The following ADGRG6 variants were observed in gnomAD, a reference collection of about 807,000 sequenced individuals.
The protein encoded by ADGRG6 is G-protein coupled receptor 126.
A neutral mutation model predicts 142.4 loss-of-function variants in ADGRG6; 84 were observed. That is an observed-to-expected ratio of 0.59 (90% CI 0.49 to 0.71). The LOEUF is 0.71. ADGRG6 is among the 30% of genes least tolerant of loss of function. The pLI is 0.00. For missense variants in ADGRG6, 1,367 were observed against 1,466.6 expected, an observed-to-expected ratio of 0.93 and a Z score of 1.11; for synonymous variants, 521 against 520.5, an observed-to-expected ratio of 1.00 and a Z score of -0.01.
rs1466851235 is a variant in ADGRG6, at chr6:142,411,393, A to G, written c.2523A>G (p.Thr841=). The stretch of plus-strand genomic sequence containing the variant: ...CAGTCTGCCTGTGTAACCACTTCAC[A>G]CACTTTGGAGTTCTGATGGTAAGGG... ...SETVCLCNHF[T]HFGVLMDLPR... The change falls in exon 18 of 25, where the codon ACA becomes ACG. Residue 841 remains threonine, a synonymous_variant. Transcript: ENST00000367609. 1.3e-6 allele frequency: 2 copies of G among 1,585,044 alleles called. No homozygotes were observed. Among genetic ancestry groups the G allele is most frequent in the Non-Finnish European group, 1.7e-6 (2 of 1,153,574 alleles).
At position 142,438,121 on chromosome 6, in the gene ADGRG6, C is replaced by T. The variant is rs1054369385; in HGVS notation, c.3422-91C>T. Reference sequence around the variant, plus strand: ...TGCCAGCATATCAGAAAATCAGATGCTCCAGATAAATAATGCAGTGATGAT... The same window carrying T: ...TGCCAGCATATCAGAAAATCAGATGTTCCAGATAAATAATGCAGTGATGAT... On this transcript the variant is annotated intron_variant, in intron 23 of 24. Coordinates refer to ENST00000367609, the MANE Select transcript of ADGRG6 (RefSeq NM_198569.3). 9.7e-6 allele frequency: 7 copies of T among 720,316 alleles called. No homozygotes were observed. The African/African-American group carries it at 1.3e-4, about 13-fold the overall frequency. 44.6% of individuals were successfully genotyped at this position (720,316 alleles called of 1,614,324 possible).
At chr6:142,411,598 G>A (rs1490786481) in intron 18 of ADGRG6, among the ~76,000 whole-genome samples, 187 bp downstream of exon 18, 2 of 152,152 alleles carry the variant, frequency 1.3e-5, no homozygotes, top group South Asian at 2.1e-4. Context: ...ATATGTGAAA[G>A]TAATTATAGA....
chr6:142,383,621 C>A, intron 5 of ADGRG6, 139 bp from the exon 6 acceptor site: 1 of 594,058 alleles, frequency 1.7e-6, no homozygotes. Context: ...TTATACATTA[C>A]AACCTTGGAG....
intron 2 of ADGRG6, among the ~76,000 whole-genome samples, chr6:142,316,139 A>G (rs1223439186): frequency 6.6e-6 from 1 of 152,124 alleles, no homozygotes; most frequent in Admixed American, 6.6e-5. Context: ...TCATTCCTAA[A>G]CTAACTTCAT....
intron 2 of ADGRG6, among the ~76,000 whole-genome samples, chr6:142,319,391 T>C (rs1286615045): frequency 1.3e-5 from 2 of 152,134 alleles, no homozygotes; most frequent in Admixed American, 6.6e-5. Context: ...ATCTCCTTTT[T>C]TATAGGAAGT....
At chr6:142,356,411 A>G (rs1379070822) in intron 2 of ADGRG6, among the ~76,000 whole-genome samples, 1 of 152,216 alleles carries the variant, frequency 6.6e-6, no homozygotes, top group Non-Finnish European at 1.5e-5. Flanking sequence ...TTTGCCGACC[A>G]TTAGCTCTAC....
intron 2 of ADGRG6, among the ~76,000 whole-genome samples, chr6:142,318,325 TATATATATTTATA>T (rs1336212100): frequency 1.1e-5 from 1 of 94,106 alleles, no homozygotes; most frequent in Non-Finnish European, 1.9e-5. Flanking sequence ...ATTTATATAT[TATATATATTTATA>T]TTATATATTT....
At chr6:142,388,779 G>A (rs980507955) in intron 6 of ADGRG6, among the ~76,000 whole-genome samples, 3 of 151,974 alleles carry the variant, frequency 2.0e-5, no homozygotes, top group South Asian at 4.1e-4. Flanking sequence ...TCCCACCATC[G>A]TAAAGTTGAA....
At chr6:142,310,777 C>G (rs1395929838) in intron 2 of ADGRG6, among the ~76,000 whole-genome samples, 1 of 151,724 alleles carries the variant, frequency 6.6e-6, no homozygotes, top group African/African-American at 2.4e-5. Flanking sequence ...TATTGTAAAG[C>G]CATTTTCCTT....
chr6:142,342,608 A>G (rs1395168507), intron 2 of ADGRG6, among the ~76,000 whole-genome samples: 1 of 152,094 alleles, frequency 6.6e-6, no homozygotes, highest in Non-Finnish European at 1.5e-5. Flanking sequence ...ACCCAGATCA[A>G]AATTTGTAAG....
chr6:142,444,513 T>C lies in ADGRG6; in HGVS notation c.*998T>C, dbSNP rs190373154. 11 of 152,322 alleles carry C rather than the reference T, an allele frequency of 7.2e-5. No individual in the cohort carries two copies. Among genetic ancestry groups the C allele is most frequent in the Non-Finnish European group, 1.5e-4 (10 of 68,016 alleles). The allele number at this position is 152,322 out of a possible 1,614,324, so 9.4% of individuals were successfully genotyped here. A position where few individuals can be genotyped will look rare whatever the true frequency, so the allele number is the denominator to read the frequency against. Reference sequence around the variant, plus strand: ...TCGTATTTCCCCATTGAGAGTTTTGTTCCAAGGAATATGAAGTGAGACATA... The same window carrying C: ...TCGTATTTCCCCATTGAGAGTTTTGCTCCAAGGAATATGAAGTGAGACATA... On this transcript the variant is annotated 3_prime_UTR_variant, in exon 25 of 25. Coordinates refer to ENST00000367609, the MANE Select transcript of ADGRG6 (RefSeq NM_198569.3).
At chr6:142,306,528 A>G (rs988540884) in intron 1 of ADGRG6, among the ~76,000 whole-genome samples, 3 of 152,136 alleles carry the variant, frequency 2.0e-5, no homozygotes, top group African/African-American at 7.2e-5. Context: ...TTAGTATCTC[A>G]GTTTTTCACC....
chr6:142,358,500 G>T (rs1350149885), intron 2 of ADGRG6, among the ~76,000 whole-genome samples: 1 of 152,166 alleles, frequency 6.6e-6, no homozygotes, highest in Non-Finnish European at 1.5e-5. Context: ...GCTAGCTTTT[G>T]TCTTTCTTCT....
chr6:142,439,322 A>C (rs551481169), intron 24 of ADGRG6, among the ~76,000 whole-genome samples: 1 of 152,358 alleles, frequency 6.6e-6, no homozygotes, highest in East Asian at 1.9e-4. Flanking sequence ...TTCTAAAAGG[A>C]TAATGGAAAT....
intron 7 of ADGRG6, among the ~76,000 whole-genome samples, chr6:142,392,742 G>T (rs1340030240): frequency 6.6e-6 from 1 of 151,884 alleles, no homozygotes; most frequent in Non-Finnish European, 1.5e-5. Flanking sequence ...TTGTTGTGAG[G>T]ATTGAAAGGA....
intron 18 of ADGRG6, among the ~76,000 whole-genome samples, 200 bp from the exon 19 acceptor site, chr6:142,414,769 A>G (rs1776270334): frequency 6.6e-6 from 1 of 152,230 alleles, no homozygotes; most frequent in South Asian, 2.1e-4. Flanking sequence ...AACGACTTCC[A>G]GAAGTAATGC....
intron 2 of ADGRG6, among the ~76,000 whole-genome samples, chr6:142,329,915 G>A (rs6925979): frequency 0.2 from 30,066 of 152,032 alleles, 3,020 homozygotes; most frequent in South Asian, 0.23. Context: ...GTAAAGGTGA[G>A]ATACGTGAGC....
intron 11 of ADGRG6, among the ~76,000 whole-genome samples, chr6:142,401,406 C>T (rs992777692): frequency 1.3e-5 from 2 of 152,150 alleles, no homozygotes; most frequent in Non-Finnish European, 2.9e-5. Context: ...TCAGATTTTA[C>T]CTGTAAAGTT....
intron 2 of ADGRG6, among the ~76,000 whole-genome samples, chr6:142,318,271 T>TAG (rs1778316823): frequency 1.3e-5 from 1 of 76,082 alleles, no homozygotes; most frequent in Non-Finnish European, 2.3e-5. Flanking sequence ...ATTATATATA[T>TAG]TTATATTATA....
Sources: gnomAD v4.1 joint callset for allele counts (sites outside exome capture counted in the v4.1 genomes callset) on GRCh38, gnomAD v4.1.1 for gene constraint, MANE v1.5 for transcripts, NCBI Gene and HGNC (gene_info 2026-07-23, HGNC 2026-07-21) for gene names.